SLC39A9: variants seen among roughly 807,000 people sequenced by gnomAD.
SLC39A9 encodes the protein solute carrier family 39 member 9, also known as zinc transporter ZIP9.
A neutral mutation model predicts 28.4 loss-of-function variants in SLC39A9; 14 were observed. The ratio of observed to expected loss-of-function variants is 0.49; its 90% confidence interval spans 0.33 to 0.77. The LOEUF (loss-of-function observed/expected upper bound fraction) is 0.77, where lower values mean the gene tolerates loss of function less well. Ranked by LOEUF, SLC39A9 falls within the 30% of genes least tolerant of loss-of-function variation. SLC39A9 has a pLI of 0.02. For synonymous variants in SLC39A9, 119 were observed against 149.6 expected, an observed-to-expected ratio of 0.80 and a Z score of 1.49; for missense variants, 283 against 381.1, an observed-to-expected ratio of 0.74 and a Z score of 2.14.
chr14:69,440,759 C>T (rs898673017), intron 2 of SLC39A9, among the ~76,000 whole-genome samples: 4 of 152,068 alleles, frequency 2.6e-5, no homozygotes, highest in Admixed American at 6.5e-5. Context: ...CTGCAACCTC[C>T]GACTCCCTGG....
At chr14:69,415,580 T>A (rs1246364759) in intron 1 of SLC39A9, among the ~76,000 whole-genome samples, 1 of 152,218 alleles carries the variant, frequency 6.6e-6, no homozygotes, top group Non-Finnish European at 1.5e-5. Context: ...ACCACTGGAA[T>A]ACTCTCAGTT....
intron 2 of SLC39A9, among the ~76,000 whole-genome samples, chr14:69,424,649 C>T (rs1884093846): frequency 6.6e-6 from 1 of 151,802 alleles, no homozygotes; most frequent in Non-Finnish European, 1.5e-5. Context: ...CTTTCCTGAC[C>T]CTAATAGCAA....
At position 69,440,867 on chromosome 14, in the gene SLC39A9, A is replaced by AC. The variant is rs1885015222; in HGVS notation, c.206-1202_206-1201insC. ...TTTTGTATTTTTAGTAGAGACGGGGATTCACCATGTTGGCCTTGATCTCCT... is the reference window on the plus strand; with the variant it reads ...TTTTGTATTTTTAGTAGAGACGGGGACTTCACCATGTTGGCCTTGATCTCCT... On this transcript the variant is annotated intron_variant, in intron 2 of 6. Transcript: ENST00000336643. Among the ~76,000 whole-genome samples the AC allele has an allele frequency of 2.0e-5, 3 of 151,964 alleles. No individual in the cohort carries two copies. In the South Asian group the frequency reaches 6.2e-4, roughly 32 times the overall value.
In SLC39A9 at chr14:69,461,792, C is replaced by T; in HGVS notation, c.*3199C>T. The T allele has an allele frequency of 6.6e-7, 1 of 1,510,890 alleles. No homozygotes were observed. Among genetic ancestry groups the T allele is most frequent in the Non-Finnish European group, 8.9e-7 (1 of 1,128,934 alleles). 93.6% of individuals were successfully genotyped at this position (1,510,890 alleles called of 1,614,324 possible). A position where few individuals can be genotyped will look rare whatever the true frequency, so the allele number is the denominator to read the frequency against. ...GAACACAGGAACCGTATGACAGCAG[C>T]ACAAACCCCCAAAGGATGTTCCTGC... On this transcript the variant is annotated 3_prime_UTR_variant, in exon 7 of 7. Coordinates refer to ENST00000336643, the MANE Select transcript of SLC39A9 (RefSeq NM_018375.5).
At chr14:69,434,368 G>A (rs1419144923) in intron 2 of SLC39A9, among the ~76,000 whole-genome samples, 3 of 150,152 alleles carry the variant, frequency 2.0e-5, no homozygotes, top group Non-Finnish European at 4.4e-5. Flanking sequence ...ACAGGCGTGA[G>A]CCACCACACC....
chr14:69,404,375 C>T (rs1197187577), intron 1 of SLC39A9, among the ~76,000 whole-genome samples: 1 of 152,160 alleles, frequency 6.6e-6, no homozygotes, highest in Non-Finnish European at 1.5e-5. Context: ...ACTACTTGAA[C>T]AAGCTATTAA....
At chr14:69,444,529 T>C (rs1329898126) in intron 3 of SLC39A9, among the ~76,000 whole-genome samples, 2 of 152,188 alleles carry the variant, frequency 1.3e-5, no homozygotes, top group African/African-American at 2.4e-5. Flanking sequence ...AAAGCTGTGA[T>C]AGAATAGGCA....
At chr14:69,458,198 T>G (rs1885957129) in intron 6 of SLC39A9, among the ~76,000 whole-genome samples, 165 bp from the exon 7 acceptor site, 1 of 152,202 alleles carries the variant, frequency 6.6e-6, no homozygotes, top group Admixed American at 6.5e-5. Context: ...AAACCCTTAT[T>G]TGGAAGCTTC....
chr14:69,401,831 A>C (rs980202728), intron 1 of SLC39A9, among the ~76,000 whole-genome samples: 1 of 152,230 alleles, frequency 6.6e-6, no homozygotes, highest in Non-Finnish European at 1.5e-5. Flanking sequence ...TAAAAAATGA[A>C]AGTTATATAT....
intron 4 of SLC39A9, among the ~76,000 whole-genome samples, chr14:69,453,623 G>T (rs1485534031): frequency 6.6e-6 from 1 of 152,126 alleles, no homozygotes; most frequent in Non-Finnish European, 1.5e-5. Flanking sequence ...ATGTATTTAT[G>T]TATTGTTTGT....
intron 1 of SLC39A9, among the ~76,000 whole-genome samples, chr14:69,400,336 G>A (rs528904392): frequency 6.0e-4 from 91 of 152,288 alleles, no homozygotes; most frequent in African/African-American, 2.0e-3. Context: ...TGACATTTTC[G>A]TTAATTTGAT....
Position 69,460,953 on chromosome 14 carries a change from G to A in SLC39A9, c.*2360G>A, listed in dbSNP as rs1886086833. 7 of 985,634 alleles carry A rather than the reference G, an allele frequency of 7.1e-6. No individual in the cohort carries two copies. Among genetic ancestry groups the A allele is most frequent in the Non-Finnish European group, 7.2e-6 (6 of 830,092 alleles). The allele number at this position is 985,634 out of a possible 1,614,324, so 61.1% of individuals were successfully genotyped here. A position where few individuals can be genotyped will look rare whatever the true frequency, so the allele number is the denominator to read the frequency against. Reference sequence around the variant, plus strand: ...AGCGTGGCACAGGCCTTCTTGACTGGAGGAAGAGCTTGCTGGCATGGTGGG... The same window carrying A: ...AGCGTGGCACAGGCCTTCTTGACTGAAGGAAGAGCTTGCTGGCATGGTGGG... On this transcript the variant is annotated 3_prime_UTR_variant, in exon 7 of 7. Coordinates refer to ENST00000336643, the MANE Select transcript of SLC39A9 (RefSeq NM_018375.5).
Position 69,459,048 on chromosome 14 carries a change from T to C in SLC39A9, c.*455T>C, listed in dbSNP as rs963400252. Reference sequence around the variant, plus strand: ...GGTTCCCACCATGTAAGACTGGTGCTTTAGCATCTATGCCACATGCGTTGA... The same window carrying C: ...GGTTCCCACCATGTAAGACTGGTGCCTTAGCATCTATGCCACATGCGTTGA... On this transcript the variant is annotated 3_prime_UTR_variant, in exon 7 of 7. Coordinates refer to ENST00000336643, the MANE Select transcript of SLC39A9 (RefSeq NM_018375.5). 9.1e-6 allele frequency: 9 copies of C among 988,858 alleles called. No individual in the cohort carries two copies. The highest frequency in any genetic ancestry group is 1.1e-5 in the Non-Finnish European group (9 of 831,686). The allele number at this position is 988,858 out of a possible 1,614,324, so 61.3% of individuals were successfully genotyped here. A position where few individuals can be genotyped will look rare whatever the true frequency, so the allele number is the denominator to read the frequency against.
At chr14:69,420,771 C>A (rs1195168940) in intron 1 of SLC39A9, among the ~76,000 whole-genome samples, 1 of 152,166 alleles carries the variant, frequency 6.6e-6, no homozygotes, top group Non-Finnish European at 1.5e-5. Flanking sequence ...TACTTTCTTC[C>A]ACTTGATCGA....
At chr14:69,446,100 A>G (rs1885286525) in intron 3 of SLC39A9, among the ~76,000 whole-genome samples, 1 of 151,962 alleles carries the variant, frequency 6.6e-6, no homozygotes, top group Non-Finnish European at 1.5e-5. Flanking sequence ...GTTTTATAGG[A>G]TTGAGTCAAT....
At chr14:69,407,442 A>T (rs1882998495) in intron 1 of SLC39A9, among the ~76,000 whole-genome samples, 1 of 151,072 alleles carries the variant, frequency 6.6e-6, no homozygotes, top group African/African-American at 2.4e-5. Context: ...GGTTCAAGTG[A>T]TTCTCCTGCC....
intron 4 of SLC39A9, chr14:69,454,595 TGCTCTTTAC>T (rs1885772959): frequency 2.5e-6 from 1 of 403,906 alleles, no homozygotes; most frequent in African/African-American, 2.0e-5. Context: ...CCAGATGCTA[TGCTCTTTAC>T]ATAAGTTATC....
intron 3 of SLC39A9, among the ~76,000 whole-genome samples, chr14:69,449,959 G>A (rs1430805033): frequency 5.9e-5 from 9 of 152,118 alleles, no homozygotes; most frequent in African/African-American, 1.4e-4. Flanking sequence ...AGGCCGAGGC[G>A]GGTGAATCAT....
intron 2 of SLC39A9, among the ~76,000 whole-genome samples, chr14:69,439,749 C>T (rs933740789): frequency 6.6e-6 from 1 of 152,088 alleles, no homozygotes; most frequent in African/African-American, 2.4e-5. Context: ...AACAAGAGAA[C>T]TGGTTGTTTA....
Sources: allele counts gnomAD v4.1 joint callset (sites outside exome capture counted in the v4.1 genomes callset), GRCh38; gene constraint gnomAD v4.1.1; transcripts MANE v1.5; gene names NCBI Gene and HGNC (gene_info 2026-07-23, HGNC 2026-07-21).